CERT1: variants seen among roughly 807,000 people sequenced by gnomAD.
The protein encoded by CERT1 is ceramide transporter 1, also known as ceramide transfer protein.
CERT1 carries 31 observed loss-of-function variants against 87.9 expected under a neutral mutation model. The ratio of observed to expected loss-of-function variants is 0.35; its 90% CI spans 0.27 to 0.48. The LOEUF (loss-of-function observed/expected upper bound fraction) is 0.48, where lower values mean the gene tolerates loss of function less well. Ranked by LOEUF, CERT1 falls within the 20% of genes least tolerant of loss-of-function variation. CERT1 has a pLI of 0.99. For missense variants in CERT1, 487 were observed against 758.0 expected (o/e 0.64, Z 4.20); for synonymous variants, 289 against 250.9 (o/e 1.15, Z -1.44).
chr5:75,484,458 G>T, intron 2 of CERT1, among the ~76,000 whole-genome samples: 1 of 148,750 alleles, frequency 6.7e-6, no homozygotes. Context: ...GTGACTGAAT[G>T]GATTAAAAAA....
intron 7 of CERT1, among the ~76,000 whole-genome samples, 190 bp from the exon 8 acceptor site, chr5:75,411,293 AACC>A (rs1250842370): frequency 3.3e-5 from 5 of 151,100 alleles, no homozygotes; most frequent in South Asian, 2.2e-4. Flanking sequence ...AATTACTTAC[AACC>A]TACTATTTAT....
At position 75,499,706 on chromosome 5, in the gene CERT1, T is replaced by C. The variant is rs571751771; in HGVS notation, c.231+6276A>G. On this transcript the variant is annotated intron_variant, in intron 2 of 16. Transcript: ENST00000643780. Reference sequence around the variant, plus strand: ...GTTTTAAGCACTTCGGAATTAAGAGTTGCTTTATAAATATTTAACAGTCAT... The same window carrying C: ...GTTTTAAGCACTTCGGAATTAAGAGCTGCTTTATAAATATTTAACAGTCAT... Among the ~76,000 whole-genome samples the C allele has an allele frequency of 7.2e-5, 11 of 152,156 alleles. No individual in the cohort carries two copies. The East Asian group carries it at 1.7e-3, about 24-fold the overall frequency.
chr5:75,440,242 C>G (rs1764263805), intron 3 of CERT1, among the ~76,000 whole-genome samples: 1 of 152,166 alleles, frequency 6.6e-6, no homozygotes, highest in Admixed American at 6.5e-5. Flanking sequence ...CTGAACCAAT[C>G]ATGAATCAAA....
Position 75,426,457 on chromosome 5 carries a change from C to G in CERT1, c.370G>C (p.Glu124Gln), listed in dbSNP as rs995534431. 10 of 1,611,990 alleles carry G rather than the reference C, an allele frequency of 6.2e-6. No homozygotes were observed. The Admixed American group carries it at 1.7e-4, about 27-fold the overall frequency. The stretch of plus-strand genomic sequence containing the variant: ...GAGCCATGTCGACGCAAGCTGGATT[C>G]AGATCCATATCCAGATTCAGTCTAA... Reference protein sequence around the residue: ...QHKTESGYGSESSLRRHGSMV... With the variant: ...QHKTESGYGSQSSLRRHGSMV... The change falls in exon 4 of 17, where the codon GAA (glutamate) becomes CAA (glutamine). Residue 124 changes from glutamate (E) to glutamine (Q), a missense_variant. Transcript: ENST00000643780.
intron 11 of CERT1, 134 bp downstream of exon 11, chr5:75,399,176 T>G (rs974462741): frequency 3.0e-6 from 2 of 661,836 alleles, no homozygotes; most frequent in East Asian, 2.8e-5. Context: ...GAAGACCTTT[T>G]TAATGCTTAA....
intron 3 of CERT1, among the ~76,000 whole-genome samples, chr5:75,440,554 C>T (rs1298732057): frequency 6.6e-6 from 1 of 151,850 alleles, no homozygotes; most frequent in Non-Finnish European, 1.5e-5. Context: ...GCATTTTCTT[C>T]TACTAAACTA....
intron 11 of CERT1, among the ~76,000 whole-genome samples, chr5:75,390,485 A>G (rs1761987372): frequency 6.6e-6 from 1 of 152,008 alleles, no homozygotes; most frequent in African/African-American, 2.4e-5. Flanking sequence ...CTTTTTCCTG[A>G]TATTTAAATG....
At chr5:75,431,374 C>A (rs1446613545) in intron 3 of CERT1, among the ~76,000 whole-genome samples, 2 of 152,154 alleles carry the variant, frequency 1.3e-5, no homozygotes, top group African/African-American at 4.8e-5. Context: ...GCATCCATTT[C>A]ATGAAGAAGG....
intron 3 of CERT1, among the ~76,000 whole-genome samples, chr5:75,438,171 CAATT>C (rs1764174941): frequency 6.6e-6 from 1 of 152,064 alleles, no homozygotes; most frequent in Admixed American, 6.5e-5. Flanking sequence ...ACATGGCTCT[CAATT>C]AGTTTTTAAT....
At chr5:75,460,879 C>T (rs879861911) in intron 2 of CERT1, among the ~76,000 whole-genome samples, 14 of 152,112 alleles carry the variant, frequency 9.2e-5, no homozygotes, top group Non-Finnish European at 2.1e-4. Context: ...GTTAAATTTC[C>T]TGAATCAGTA....
At chr5:75,385,610 G>A (rs923007094) in intron 13 of CERT1, among the ~76,000 whole-genome samples, 1 of 152,150 alleles carries the variant, frequency 6.6e-6, no homozygotes, top group African/African-American at 2.4e-5. Flanking sequence ...AGCTCTTGTT[G>A]CCTTTGACAA....
intron 7 of CERT1, among the ~76,000 whole-genome samples, chr5:75,414,318 T>C (rs1482599234): frequency 6.6e-6 from 1 of 152,166 alleles, no homozygotes; most frequent in African/African-American, 2.4e-5. Flanking sequence ...TCTTGATCTG[T>C]CTATGGTTAA....
Position 75,426,492 on chromosome 5 carries a change from T to A in CERT1, c.349-14A>T, listed in dbSNP as rs1399039917. ...TCCAGATTCAGTCTAAAAAAAAAAG[T>A]AAACTATGTGAAAAGAATTTAAATA... On this transcript the variant is annotated splice_polypyrimidine_tract_variant and intron_variant, in intron 3 of 16. Coordinates refer to ENST00000643780, the MANE Select transcript of CERT1 (RefSeq NM_001379029.1). 1.3e-6 allele frequency: 2 copies of A among 1,503,730 alleles called. No individual in the cohort carries two copies. Among genetic ancestry groups the A allele is most frequent in the Non-Finnish European group, 1.8e-6 (2 of 1,084,302 alleles). 93.1% of individuals were successfully genotyped at this position (1,503,730 alleles called of 1,614,324 possible).
chr5:75,413,320 A>G (rs953065207), intron 7 of CERT1, among the ~76,000 whole-genome samples: 3 of 152,206 alleles, frequency 2.0e-5, no homozygotes, highest in Non-Finnish European at 2.9e-5. Context: ...ACTCACACAA[A>G]GCAAACTACT....
chr5:75,393,655 A>G (rs1055526400), intron 11 of CERT1, among the ~76,000 whole-genome samples: 5 of 148,126 alleles, frequency 3.4e-5, no homozygotes, highest in Non-Finnish European at 7.4e-5. Flanking sequence ...AACAGCTCAG[A>G]TCTCTTTTAT....
Position 75,490,655 on chromosome 5 carries a change from C to T in CERT1, c.231+15327G>A, listed in dbSNP as rs576757359. 3.3e-5 allele frequency among the ~76,000 whole-genome samples: 5 copies of T among 152,104 alleles called. No homozygotes were observed. In the East Asian group the frequency reaches 5.8e-4, roughly 18 times the overall value. The stretch of plus-strand genomic sequence containing the variant: ...CTGGGACTACAGGCGCCCACCACCA[C>T]GCCTGGCTAATTTTTTATATCTTTA... On this transcript the variant is annotated intron_variant, in intron 2 of 16. Coordinates refer to ENST00000643780, the MANE Select transcript of CERT1 (RefSeq NM_001379029.1).
chr5:75,383,787 G>A (rs1048382518), intron 14 of CERT1, among the ~76,000 whole-genome samples: 5 of 152,100 alleles, frequency 3.3e-5, no homozygotes, highest in African/African-American at 1.2e-4. Context: ...CTTTTATAAT[G>A]TTTAATACTG....
chr5:75,461,660 T>A (rs2112320856), intron 2 of CERT1, among the ~76,000 whole-genome samples: 2 of 152,308 alleles, frequency 1.3e-5, no homozygotes, highest in African/African-American at 2.4e-5. Context: ...ATATAGCTCA[T>A]AATTCACCAT....
intron 2 of CERT1, among the ~76,000 whole-genome samples, chr5:75,476,842 G>GT (rs201190119): frequency 0.015 from 2,216 of 152,038 alleles, 45 homozygotes; most frequent in African/African-American, 0.049. Flanking sequence ...CTTGTTCTGC[G>GT]TAACTATGGA....
Sources: allele counts gnomAD v4.1 joint callset (sites outside exome capture counted in the v4.1 genomes callset), GRCh38; gene constraint gnomAD v4.1.1; transcripts MANE v1.5; gene names NCBI Gene and HGNC (gene_info 2026-07-23, HGNC 2026-07-21).